The following ASAP2 variants were observed in gnomAD, a reference collection of about 807,000 sequenced individuals.
ASAP2 encodes ArfGAP with SH3 domain, ankyrin repeat and PH domain 2.
A neutral mutation model predicts 131.4 loss-of-function variants in ASAP2; 45 were observed. That is an observed-to-expected ratio of 0.34 (90% CI 0.27 to 0.44). The LOEUF (loss-of-function observed/expected upper bound fraction) is 0.44, where lower values mean the gene tolerates loss of function less well. ASAP2 is among the 20% of genes least tolerant of loss of function. The pLI, the probability that ASAP2 is intolerant of heterozygous loss-of-function variation, is 1.00. For missense variants in ASAP2, 1,011 were observed against 1,297.0 expected, an observed-to-expected ratio of 0.78 and a Z score of 3.39; for synonymous variants, 510 against 503.0, an observed-to-expected ratio of 1.01 and a Z score of -0.19.
Position 9,302,225 on chromosome 2 carries a change from C to T in ASAP2, c.345+4780C>T, listed in dbSNP as rs538663772. On this transcript the variant is annotated intron_variant, in intron 3 of 27. Coordinates refer to ENST00000281419, the MANE Select transcript of ASAP2 (RefSeq NM_003887.3). ...TCTCGCTCTGTCGCCCAGGCTGGAG[C>T]GCAGTGGTGCAGTCTTGGCTCACTG... Among the ~76,000 whole-genome samples, 229 of 131,736 alleles carry T rather than the reference C, an allele frequency of 1.7e-3. 2 individuals are homozygous for T. The Middle Eastern group carries it at 0.022, about 13-fold the overall frequency. 86.4% of individuals were successfully genotyped at this position (131,736 alleles called of 152,430 possible).
chr2:9,355,531 G>A (rs1672639113), intron 12 of ASAP2, among the ~76,000 whole-genome samples: 1 of 152,312 alleles, frequency 6.6e-6, no homozygotes, highest in Middle Eastern at 3.4e-3. Context: ...CCAGCAGTAT[G>A]TAAGTGTAGG....
chr2:9,231,380 C>CT (rs1663149789), intron 1 of ASAP2, among the ~76,000 whole-genome samples: 2 of 152,186 alleles, frequency 1.3e-5, no homozygotes, highest in Admixed American at 1.3e-4. Context: ...TCACATCTAA[C>CT]TTTAAGACCC....
intron 1 of ASAP2, among the ~76,000 whole-genome samples, chr2:9,271,891 A>T (rs1480794607): frequency 6.6e-6 from 1 of 151,998 alleles, no homozygotes; most frequent in East Asian, 1.9e-4. Flanking sequence ...ACAGGATCTC[A>T]TTCTTTTTTA....
rs1261016559 is a variant in ASAP2, at chr2:9,405,252, CTTAGT to C, written c.*1927_*1931del. The C allele has an allele frequency of 2.6e-5, 4 of 152,296 alleles. No homozygotes were observed. Among genetic ancestry groups the C allele is most frequent in the South Asian group, 2.1e-4 (1 of 4,832 alleles). 9.4% of individuals were successfully genotyped at this position (152,296 alleles called of 1,614,324 possible). On this transcript the variant is annotated 3_prime_UTR_variant, in exon 28 of 28. Transcript: ENST00000281419. ...ATTAACGACCCTGCTAATATCCTTT[CTTAGT>C]TATTTGCTCCTTGCAAATTAAAAAA...
At chr2:9,227,709 C>T in intron 1 of ASAP2, among the ~76,000 whole-genome samples, 1 of 152,112 alleles carries the variant, frequency 6.6e-6, no homozygotes, top group Admixed American at 6.5e-5. Context: ...TTGGGAGGTC[C>T]TCAGTAACCG....
intron 3 of ASAP2, among the ~76,000 whole-genome samples, chr2:9,310,191 G>A (rs1669209986): frequency 6.6e-6 from 1 of 152,230 alleles, no homozygotes; most frequent in Admixed American, 6.5e-5. Context: ...TAACTCTTAT[G>A]ACTGAGCAGC....
intron 15 of ASAP2, among the ~76,000 whole-genome samples, chr2:9,359,422 TAGG>T (rs1286619812): frequency 1.3e-5 from 2 of 152,234 alleles, no homozygotes; most frequent in Middle Eastern, 3.2e-3. Flanking sequence ...GTGATAGAGA[TAGG>T]AGGAGACAGA....
intron 1 of ASAP2, among the ~76,000 whole-genome samples, chr2:9,270,426 T>C (rs1198319895): frequency 6.6e-6 from 1 of 152,154 alleles, no homozygotes; most frequent in Non-Finnish European, 1.5e-5. Context: ...TCAGTATTTT[T>C]TTTTAAATTT....
chr2:9,239,847 C>A (rs1020369096), intron 1 of ASAP2, among the ~76,000 whole-genome samples: 1 of 151,958 alleles, frequency 6.6e-6, no homozygotes, highest in African/African-American at 2.4e-5. Flanking sequence ...CCACCTCAGC[C>A]TCTTGAGTAG....
Position 9,325,181 on chromosome 2 carries a change from C to T in ASAP2, c.600+1931C>T, listed in dbSNP as rs183523674. Among the ~76,000 whole-genome samples the T allele has an allele frequency of 4.3e-3, 659 of 152,216 alleles. 3 individuals are homozygous for T. Among genetic ancestry groups the T allele is most frequent in the African/African-American group, 0.015 (638 of 41,514 alleles). On this transcript the variant is annotated intron_variant, in intron 6 of 27. Transcript: ENST00000281419. ...TTTTATACACATTTTTTTGTAAACA[C>T]ATATCATGTGTAGTGTAAGAGGTTG...
chr2:9,344,211 C>T (rs1050174092), intron 9 of ASAP2, among the ~76,000 whole-genome samples: 7 of 152,098 alleles, frequency 4.6e-5, no homozygotes, highest in African/African-American at 7.2e-5. Flanking sequence ...CTACTGTGGC[C>T]GTAGTGGGAG....
At chr2:9,244,634 C>T (rs1053786706) in intron 1 of ASAP2, among the ~76,000 whole-genome samples, 1 of 152,154 alleles carries the variant, frequency 6.6e-6, no homozygotes, top group Non-Finnish European at 1.5e-5. Flanking sequence ...AGTGGCCTGG[C>T]ACTTACTGGA....
At chr2:9,227,320 A>G (rs937446660) in intron 1 of ASAP2, among the ~76,000 whole-genome samples, 6 of 152,156 alleles carry the variant, frequency 3.9e-5, no homozygotes, top group Non-Finnish European at 8.8e-5. Context: ...TGCCTGACGC[A>G]TGAGTGTTGT....
At chr2:9,270,679 C>G (rs1200245971) in intron 1 of ASAP2, among the ~76,000 whole-genome samples, 1 of 151,656 alleles carries the variant, frequency 6.6e-6, no homozygotes, top group African/African-American at 2.4e-5. Context: ...TTCTGTCCAC[C>G]TATATTTTTG....
chr2:9,245,004 C>T (rs1558261753), intron 1 of ASAP2, among the ~76,000 whole-genome samples: 1 of 152,082 alleles, frequency 6.6e-6, no homozygotes, highest in Admixed American at 6.5e-5. Context: ...GAAGTCCTCC[C>T]GTCATATAAA....
intron 1 of ASAP2, among the ~76,000 whole-genome samples, chr2:9,267,686 C>T (rs1315826345): frequency 3.3e-5 from 5 of 151,950 alleles, no homozygotes; most frequent in East Asian, 1.9e-4. Context: ...CACTTGAGGC[C>T]GGGAGTTCGA....
chr2:9,340,896 A>G (rs1221203870), intron 9 of ASAP2, among the ~76,000 whole-genome samples: 1 of 152,214 alleles, frequency 6.6e-6, no homozygotes, highest in Non-Finnish European at 1.5e-5. Context: ...TCTGGGTGTC[A>G]CAGGACAGAG....
At chr2:9,231,841 CA>C (rs1663187820) in intron 1 of ASAP2, among the ~76,000 whole-genome samples, 2 of 152,212 alleles carry the variant, frequency 1.3e-5, no homozygotes, top group South Asian at 4.1e-4. Flanking sequence ...TTCCCTGCAG[CA>C]GGTGAGGACT....
chr2:9,264,190 C>CAA (rs113543532), intron 1 of ASAP2, among the ~76,000 whole-genome samples: 2 of 123,618 alleles, frequency 1.6e-5, no homozygotes, highest in South Asian at 2.6e-4. Context: ...GACCCTGTCT[C>CAA]AAAAAAATAA....
Sources: allele counts gnomAD v4.1 joint callset (sites outside exome capture counted in the v4.1 genomes callset), GRCh38; gene constraint gnomAD v4.1.1; transcripts MANE v1.5; gene names NCBI Gene and HGNC (gene_info 2026-07-23, HGNC 2026-07-21).